NT5C1B: variants seen among roughly 807,000 people sequenced by gnomAD.
The protein encoded by NT5C1B is 5'-nucleotidase, cytosolic IB.
In NT5C1B, 44 loss-of-function variants were observed where a neutral mutation model predicts 57.8. That is an observed-to-expected ratio of 0.76 (90% CI 0.60 to 0.98). NT5C1B has a LOEUF of 0.98. NT5C1B is among the 50% of genes least tolerant of loss of function. The probability of loss-of-function intolerance (pLI) is 0.00; values close to 1 mark genes in which losing one functional copy is unlikely to be tolerated. For missense variants in NT5C1B, 742 were observed against 719.5 expected (o/e 1.03, Z -0.36); for synonymous variants, 284 against 282.6 (o/e 1.00, Z -0.05).
intron 3 of NT5C1B, 126 bp from the exon 4 acceptor site, chr2:18,585,104 T>G: frequency 7.9e-7 from 1 of 1,271,374 alleles, no homozygotes; most frequent in Non-Finnish European, 1.1e-6. Context: ...GCTCCTTAAG[T>G]AGGGCTTAAG....
exon 9 of NT5C1B, chr2:18,563,870 TGTG>T (rs1166732708): frequency 6.2e-7 from 1 of 1,613,818 alleles, no homozygotes; most frequent in Non-Finnish European, 8.5e-7. Context: ...ATGTGGAACA[TGTG>T]GTCATCAAAG....
At chr2:18,571,269 C>T (rs1323654531) in intron 8 of NT5C1B, among the ~76,000 whole-genome samples, 1 of 151,662 alleles carries the variant, frequency 6.6e-6, no homozygotes, top group African/African-American at 2.4e-5. Flanking sequence ...TTATTGTTGA[C>T]TTAGAAAATC....
intron 7 of NT5C1B, 39 bp from the exon 8 acceptor site, chr2:18,576,407 T>A (rs1665682257): frequency 3.8e-6 from 6 of 1,578,192 alleles, no homozygotes; most frequent in Non-Finnish European, 5.1e-6. Context: ...TCTTCTCAGG[T>A]CCATGAGTTA....
intron 8 of NT5C1B, among the ~76,000 whole-genome samples, chr2:18,567,896 G>A (rs1392526119): frequency 6.6e-6 from 1 of 152,070 alleles, no homozygotes; most frequent in African/African-American, 2.4e-5. Flanking sequence ...AGCAATTTTG[G>A]CAAAGAGATT....
At chr2:18,564,928 T>A (rs1664507536) in intron 8 of NT5C1B, among the ~76,000 whole-genome samples, 1 of 152,158 alleles carries the variant, frequency 6.6e-6, no homozygotes. Flanking sequence ...TATAGTACCC[T>A]CAGTCCTCTA....
chr2:18,586,136 T>C (rs778581879), intron 3 of NT5C1B, 118 bp downstream of exon 3: 90 of 1,453,454 alleles, frequency 6.2e-5, no homozygotes, highest in Non-Finnish European at 8.1e-5. Flanking sequence ...TCCCAAGGGC[T>C]AAATTAGCTA....
At chr2:18,587,293 A>G (rs1666807711) in intron 2 of NT5C1B, 1 of 1,481,538 alleles carries the variant, frequency 6.7e-7, no homozygotes, top group South Asian at 1.4e-5. Flanking sequence ...GTGGTTCCAC[A>G]CATTCGAAGT....
chr2:18,589,297 C>T, intron 1 of NT5C1B, 142 bp downstream of exon 1: 1 of 1,112,726 alleles, frequency 9.0e-7, no homozygotes, highest in Non-Finnish European at 1.3e-6. Flanking sequence ...TGCCTTTATT[C>T]TCTCCCTTCT....
chr2:18,582,747 G>A (rs541306603), intron 6 of NT5C1B, 121 bp downstream of exon 6: 6 of 1,401,468 alleles, frequency 4.3e-6, no homozygotes, highest in African/African-American at 2.9e-5. Flanking sequence ...CATTCCTGGC[G>A]CAGAAGGGGG....
At chr2:18,583,586 TTA>T (rs568107228) in intron 5 of NT5C1B, 199 of 329,872 alleles carry the variant, frequency 6.0e-4, no homozygotes, top group Admixed American at 9.8e-4. Flanking sequence ...TGTGTAATAT[TTA>T]TATAAGCAGA....
chr2:18,587,519 A>G (rs763267957), exon 2 of NT5C1B: 1 of 1,613,634 alleles, frequency 6.2e-7, no homozygotes, highest in Non-Finnish European at 8.5e-7. Context: ...GCTCAGACGA[A>G]CTCCTGTTTT....
intron 8 of NT5C1B, among the ~76,000 whole-genome samples, chr2:18,573,107 A>G (rs1053496806): frequency 6.6e-6 from 1 of 152,180 alleles, no homozygotes; most frequent in Non-Finnish European, 1.5e-5. Flanking sequence ...ATAGAATACT[A>G]CTCAGCAATA....
In NT5C1B at chr2:18,578,086, C is replaced by A. The variant is rs114943781; in HGVS notation, c.1022-1191G>T. ...GATTGAACCAGGAAGAAACTGAAAC[C>A]CTGAACTGACCAATAACAAGTTTCT... On this transcript the variant is annotated intron_variant, in intron 6 of 8. Transcript: ENST00000304081. Among the ~76,000 whole-genome samples the A allele has an allele frequency of 7.0e-3, 1,065 of 152,088 alleles. 13 individuals carry two copies. The highest frequency in any genetic ancestry group is 0.025 in the African/African-American group (1,019 of 41,480).
chr2:18,589,328 A>G lies in NT5C1B; in HGVS notation c.30+111T>C, dbSNP rs1243223015. 13 of 1,422,632 alleles carry G rather than the reference A, an allele frequency of 9.1e-6. No homozygotes were observed. The South Asian group carries it at 9.3e-5, about 10-fold the overall frequency. 88.1% of individuals were successfully genotyped at this position (1,422,632 alleles called of 1,614,324 possible). ...CTTCTCTTTTCCTCTACCTGAAGCC[A>G]TTATCTGAAATTATTTGATCATTGC... On this transcript the variant is annotated intron_variant, in intron 1 of 8. Transcript: ENST00000304081.
chr2:18,562,962 A>G (rs1033676462), exon 9 of NT5C1B: 4 of 152,196 alleles, frequency 2.6e-5, no homozygotes, highest in Non-Finnish European at 5.9e-5. Context: ...ATATTTAATG[A>G]CCAACCAATT....
intron 8 of NT5C1B, among the ~76,000 whole-genome samples, chr2:18,575,414 T>C (rs1402990723): frequency 6.6e-6 from 1 of 152,106 alleles, no homozygotes; most frequent in East Asian, 1.9e-4. Flanking sequence ...TATGAATTTA[T>C]ATAAAAATAA....
chr2:18,586,792 C>T, intron 2 of NT5C1B: 1 of 878,612 alleles, frequency 1.1e-6, no homozygotes, highest in African/African-American at 1.7e-5. Flanking sequence ...GTGAGGGCAA[C>T]TGGTGCCCCA....
chr2:18,568,674 G>T (rs1043989736), intron 8 of NT5C1B, among the ~76,000 whole-genome samples: 1 of 152,172 alleles, frequency 6.6e-6, no homozygotes, highest in South Asian at 2.1e-4. Context: ...AGTCAAGCCT[G>T]TAACAGCTTA....
chr2:18,580,904 C>T (rs1666128323), intron 6 of NT5C1B, among the ~76,000 whole-genome samples: 1 of 152,034 alleles, frequency 6.6e-6, no homozygotes, highest in African/African-American at 2.4e-5. Flanking sequence ...CACATGGACA[C>T]AAAGAAGGGA....
Sources: gnomAD v4.1 joint callset for allele counts (sites outside exome capture counted in the v4.1 genomes callset) on GRCh38, gnomAD v4.1.1 for gene constraint, MANE v1.5 for transcripts, NCBI Gene and HGNC (gene_info 2026-07-23, HGNC 2026-07-21) for gene names.